The following TRIQK variants were observed in gnomAD, a reference collection of about 807,000 sequenced individuals.
TRIQK encodes triple QxxK/R motif-containing protein.
Under a neutral mutation model 10.8 loss-of-function variants are expected in TRIQK, and 10 were observed. That is an observed-to-expected ratio of 0.92 (90% CI 0.57 to 1.57). TRIQK has a LOEUF of 1.57. Ranked by LOEUF, TRIQK falls within the 40% of genes most tolerant of loss-of-function variation. The pLI, the probability that TRIQK is intolerant of heterozygous loss-of-function variation, is 0.00. For synonymous variants in TRIQK, 33 were observed against 33.7 expected (o/e 0.98, Z 0.07); for missense variants, 107 against 97.7 (o/e 1.09, Z -0.40).
At chr8:92,998,420 GTT>G (rs1434579484) in intron 1 of TRIQK, among the ~76,000 whole-genome samples, 2 of 151,988 alleles carry the variant, frequency 1.3e-5, no homozygotes, top group Non-Finnish European at 2.9e-5. Context: ...TAATAGAACA[GTT>G]TACTGAAAGA....
chr8:92,900,217 T>A (rs1341578035), intron 3 of TRIQK, among the ~76,000 whole-genome samples: 1 of 152,158 alleles, frequency 6.6e-6, no homozygotes, highest in African/African-American at 2.4e-5. Flanking sequence ...ACTTTACTGA[T>A]GGTTTCCTTT....
At chr8:92,926,568 C>A (rs1485687052) in intron 2 of TRIQK, among the ~76,000 whole-genome samples, 1 of 151,148 alleles carries the variant, frequency 6.6e-6, no homozygotes, top group East Asian at 1.9e-4. Flanking sequence ...TTGGGAGGAA[C>A]AACCAGAAAG....
rs201838680 is a variant in TRIQK at position 92,884,877 on chromosome 8, G to A, written c.*1745C>T. 2.2e-6 allele frequency: 1 copy of A among 456,052 alleles called. No individual in the cohort carries two copies. Among genetic ancestry groups the A allele is most frequent in the Non-Finnish European group, 4.4e-6 (1 of 226,674 alleles). The allele number at this position is 456,052 out of a possible 1,614,324, so 28.3% of individuals were successfully genotyped here. A position where few individuals can be genotyped will look rare whatever the true frequency, so the allele number is the denominator to read the frequency against. The stretch of plus-strand genomic sequence containing the variant: ...GGTGGGGAGCAGTATTTCTTGACAT[G>A]TGGCATGTCACTCAGGAAAGTAAAA... On this transcript the variant is annotated 3_prime_UTR_variant, in exon 5 of 5. Transcript: ENST00000521988.
In TRIQK at chr8:92,891,990, T is replaced by A. The variant is rs1816791319; in HGVS notation, c.146A>T (p.Lys49Met). Residue 49 changes from lysine to methionine, a missense_variant and splice_region_variant, in exon 4 of 5, where the codon AAG becomes ATG. Coordinates refer to ENST00000521988, the MANE Select transcript of TRIQK (RefSeq NM_001171797.2). The part of the protein sequence containing the change: ...AEAKKTAIGI[K>M]EVGLVLAAIL... ...TAAAGTTATCAAATAGAGGTTTACC[T>A]TTATGCCTATTGCTGTTTTCTTTGC... 6.5e-7 allele frequency: 1 copy of A among 1,532,008 alleles called. No individual in the cohort carries two copies. The highest frequency in any genetic ancestry group is 8.7e-7 in the Non-Finnish European group (1 of 1,143,534). 94.9% of individuals were successfully genotyped at this position (1,532,008 alleles called of 1,614,324 possible).
At chr8:92,929,558 C>G (rs1810605864) in intron 2 of TRIQK, 2 of 152,126 alleles carry the variant, frequency 1.3e-5, no homozygotes, top group Admixed American at 1.3e-4. Context: ...GAAAACAACA[C>G]ATTAAATTTA....
At chr8:92,971,359 CTGTT>C (rs966131359) in intron 1 of TRIQK, among the ~76,000 whole-genome samples, 2 of 152,092 alleles carry the variant, frequency 1.3e-5, no homozygotes, top group Non-Finnish European at 2.9e-5. Context: ...CAAACTGTCT[CTGTT>C]TGCAGATGAC....
intron 3 of TRIQK, among the ~76,000 whole-genome samples, chr8:92,904,656 CT>C (rs886333752): frequency 2.9e-4 from 44 of 152,208 alleles, no homozygotes; most frequent in Admixed American, 2.6e-3. Flanking sequence ...CAGCAGTATA[CT>C]TACAGTCCTA....
At chr8:92,976,981 G>A (rs991672951) in intron 1 of TRIQK, among the ~76,000 whole-genome samples, 1 of 151,852 alleles carries the variant, frequency 6.6e-6, no homozygotes, top group African/African-American at 2.4e-5. Flanking sequence ...CAATACATGT[G>A]ATTATTTTTG....
intron 2 of TRIQK, among the ~76,000 whole-genome samples, chr8:92,936,619 A>G (rs1811002619): frequency 6.6e-6 from 1 of 151,728 alleles, no homozygotes. Flanking sequence ...CATAAGCAAG[A>G]CAAAGACATT....
chr8:92,945,313 A>C (rs10105970), intron 2 of TRIQK, among the ~76,000 whole-genome samples: 20,459 of 152,100 alleles, frequency 0.13, 1,372 homozygotes, highest in East Asian at 0.2. Context: ...AGCAATATCT[A>C]CACCCTGACA....
intron 4 of TRIQK, among the ~76,000 whole-genome samples, chr8:92,891,598 A>G (rs139063163): frequency 8.9e-4 from 136 of 152,064 alleles, no homozygotes; most frequent in African/African-American, 3.1e-3. Context: ...GTAAAATTAC[A>G]TAATTAATGA....
At chr8:92,933,621 T>A (rs1040505991) in intron 2 of TRIQK, among the ~76,000 whole-genome samples, 1 of 152,128 alleles carries the variant, frequency 6.6e-6, no homozygotes, top group African/African-American at 2.4e-5. Context: ...ACCAGTGTTC[T>A]TTGAAGATAA....
At chr8:93,003,252 G>C (rs756156700) in intron 1 of TRIQK, among the ~76,000 whole-genome samples, 2 of 150,562 alleles carry the variant, frequency 1.3e-5, no homozygotes, top group African/African-American at 2.5e-5. Context: ...GCGGTGCTCA[G>C]GTAGCTTACA....
chr8:92,926,449 T>C (rs935993953), intron 2 of TRIQK: 1 of 152,154 alleles, frequency 6.6e-6, no homozygotes, highest in Non-Finnish European at 1.5e-5. Flanking sequence ...GCATAGTAAG[T>C]AGAAAGGAAC....
At chr8:93,012,531 G>C (rs1393185756) in intron 1 of TRIQK, among the ~76,000 whole-genome samples, 4 of 152,122 alleles carry the variant, frequency 2.6e-5, no homozygotes, top group Non-Finnish European at 5.9e-5. Context: ...AACTGAACTA[G>C]ATAAACTATT....
intron 1 of TRIQK, among the ~76,000 whole-genome samples, chr8:92,964,622 AT>A (rs1217536121): frequency 6.6e-6 from 1 of 150,954 alleles, no homozygotes; most frequent in East Asian, 1.9e-4. Flanking sequence ...AAAAAAAAAA[AT>A]CACAAGGGAA....
chr8:93,005,797 C>A (rs1194261966), intron 1 of TRIQK, among the ~76,000 whole-genome samples: 1 of 151,934 alleles, frequency 6.6e-6, no homozygotes, highest in Non-Finnish European at 1.5e-5. Context: ...GTACTAGAAG[C>A]CCTGCCCAGA....
At chr8:92,962,383 T>A (rs936543235) in intron 1 of TRIQK, among the ~76,000 whole-genome samples, 1 of 152,158 alleles carries the variant, frequency 6.6e-6, no homozygotes, top group African/African-American at 2.4e-5. Flanking sequence ...CGTTTCTACA[T>A]AGAAGAATGT....
chr8:92,970,537 T>C (rs1812864208), upstream of TRIQK, among the ~76,000 whole-genome samples: 1 of 152,248 alleles, frequency 6.6e-6, no homozygotes, highest in Non-Finnish European at 1.5e-5. Flanking sequence ...TTTGTTTGCA[T>C]TTCTCTAATG....
Sources: gnomAD v4.1 joint callset for allele counts (sites outside exome capture counted in the v4.1 genomes callset) on GRCh38, gnomAD v4.1.1 for gene constraint, MANE v1.5 for transcripts, NCBI Gene and HGNC (gene_info 2026-07-23, HGNC 2026-07-21) for gene names.